Variants in PPP3CC observed in about 807,000 individuals in gnomAD.
PPP3CC encodes protein phosphatase 3 catalytic subunit gamma.
A neutral mutation model predicts 60.3 loss-of-function variants in PPP3CC; 35 were observed. The ratio of observed to expected loss-of-function variants is 0.58; its 90% CI spans 0.44 to 0.77. The LOEUF (loss-of-function observed/expected upper bound fraction) is 0.77. Among genes scored for constraint, PPP3CC ranks in the 30% least tolerant of loss-of-function variants. The pLI is 0.00. For missense variants in PPP3CC, 570 were observed against 628.9 expected, an observed-to-expected ratio of 0.91 and a Z score of 1.00; for synonymous variants, 206 against 224.3, an observed-to-expected ratio of 0.92 and a Z score of 0.73.
At chr8:22,470,891 G>A (rs1379789909) in intron 1 of PPP3CC, among the ~76,000 whole-genome samples, 1 of 152,158 alleles carries the variant, frequency 6.6e-6, no homozygotes, top group Non-Finnish European at 1.5e-5. Context: ...CCATTCTTGG[G>A]TATATACCTA....
At chr8:22,532,885 T>C (rs749527021) in intron 11 of PPP3CC, 36 bp from the exon 12 acceptor site, 1 of 1,435,352 alleles carries the variant, frequency 7.0e-7, no homozygotes, top group Non-Finnish European at 9.5e-7. Flanking sequence ...TGGAGAGTTC[T>C]CGGGCATTAA....
At chr8:22,492,588 C>A (rs923584566) in intron 3 of PPP3CC, 5 of 476,422 alleles carry the variant, frequency 1.0e-5, no homozygotes, top group South Asian at 2.4e-5. Flanking sequence ...CCTAGCCCCC[C>A]ACGTTGGCCC....
chr8:22,538,559 T>G (rs1839894221), intron 12 of PPP3CC, among the ~76,000 whole-genome samples: 1 of 152,248 alleles, frequency 6.6e-6, no homozygotes, highest in South Asian at 2.1e-4. Context: ...CTCATTATTC[T>G]TCACTGCCTT....
At chr8:22,515,843 G>A (rs1243043366) in intron 6 of PPP3CC, among the ~76,000 whole-genome samples, 1 of 152,006 alleles carries the variant, frequency 6.6e-6, no homozygotes, top group Non-Finnish European at 1.5e-5. Flanking sequence ...AATTGTTTGA[G>A]CTCCTTACAT....
In PPP3CC at chr8:22,466,384, T is replaced by C. The variant is rs560531046; in HGVS notation, c.50-8570T>C. Among the ~76,000 whole-genome samples the C allele has an allele frequency of 5.8e-3, 888 of 152,332 alleles. 7 individuals are homozygous for C. The highest frequency in any genetic ancestry group is 0.02 in the African/African-American group (849 of 41,576). On this transcript the variant is annotated intron_variant, in intron 1 of 13. Coordinates refer to ENST00000240139, the MANE Select transcript of PPP3CC (RefSeq NM_005605.5). ...GGATTGCTGGGTCAAATGGTATTTC[T>C]AGTTCTAGATCCTTGAGGAATCACC...
intron 1 of PPP3CC, among the ~76,000 whole-genome samples, chr8:22,442,146 T>C (rs1249744938): frequency 6.6e-6 from 1 of 152,224 alleles, no homozygotes. Flanking sequence ...CTAAATCTTG[T>C]AGAGTTTTAG....
rs777454548 is a variant in PPP3CC, at chr8:22,525,532, TTCTTTCTCTCCCTCTC to T, written c.944-1856_944-1841del. ...TTTCTTTCTTTCTTTCTTTCTTTCT[TTCTTTCTCTCCCTCTC>T]TCTCTCTCTCTTTCTTTCTCTCTCT... On this transcript the variant is annotated intron_variant, in intron 8 of 13. Transcript: ENST00000240139. 1.3e-4 allele frequency among the ~76,000 whole-genome samples: 14 copies of T among 109,182 alleles called. No individual in the cohort carries two copies. In the South Asian group the frequency reaches 3.9e-3, roughly 30 times the overall value. The allele number at this position is 109,182 out of a possible 152,430, so 71.6% of individuals were successfully genotyped here. A position where few individuals can be genotyped will look rare whatever the true frequency, so the allele number is the denominator to read the frequency against.
intron 12 of PPP3CC, among the ~76,000 whole-genome samples, chr8:22,538,991 T>C (rs1839902817): frequency 6.6e-6 from 1 of 152,170 alleles, no homozygotes; most frequent in Non-Finnish European, 1.5e-5. Context: ...TCTTTTTTTT[T>C]TAAATGAAGT....
rs976247366 is a variant in PPP3CC at position 22,492,855 on chromosome 8, G to C, written c.373-5146G>C. ...ATCCACTTTAACAGCAGAGATGCCA[G>C]CAAACTCTTTCACCATTACAGGCCA... is the stretch of plus-strand genomic sequence containing the variant. On this transcript the variant is annotated intron_variant, in intron 3 of 13. Coordinates refer to ENST00000240139, the MANE Select transcript of PPP3CC (RefSeq NM_005605.5). 4.8e-6 allele frequency: 5 copies of C among 1,034,360 alleles called. No homozygotes were observed. The African/African-American group carries it at 7.8e-5, about 16-fold the overall frequency. The allele number at this position is 1,034,360 out of a possible 1,614,324, so 64.1% of individuals were successfully genotyped here.
intron 4 of PPP3CC, among the ~76,000 whole-genome samples, chr8:22,506,446 C>T (rs551104763): frequency 1.3e-5 from 2 of 151,912 alleles, no homozygotes; most frequent in African/African-American, 2.4e-5. Context: ...TTCTTAAGTA[C>T]GAAAAGCAAG....
intron 13 of PPP3CC, among the ~76,000 whole-genome samples, chr8:22,539,886 G>A (rs904055795): frequency 3.9e-4 from 60 of 152,186 alleles, no homozygotes; most frequent in Non-Finnish European, 1.6e-4. Flanking sequence ...CAAGAGCAGA[G>A]GCAGAAGTAG....
intron 1 of PPP3CC, among the ~76,000 whole-genome samples, chr8:22,450,635 A>G (rs1039608811): frequency 6.6e-6 from 1 of 152,124 alleles, no homozygotes; most frequent in African/African-American, 2.4e-5. Context: ...TGATCTGTGA[A>G]CAATATCAAG....
At position 22,528,538 on chromosome 8, in the gene PPP3CC, T is replaced by A; in HGVS notation, c.1102T>A (p.Cys368Ser). Residue 368 changes from cysteine (C) to serine (S), a missense_variant, in exon 10 of 14, where the codon TGC (cysteine) becomes AGC (serine). By Grantham distance (112) the Cys-to-Ser change is moderately radical. Transcript: ENST00000240139. Reference sequence around the variant, plus strand: ...GATGCTGGTAAATGTGCTCAACATATGCTCTGATGACGAACTGATTTCTGA... The same window carrying A: ...GATGCTGGTAAATGTGCTCAACATAAGCTCTGATGACGAACTGATTTCTGA... Reference protein sequence around the residue: ...TEMLVNVLNICSDDELISDDE... With the variant: ...TEMLVNVLNISSDDELISDDE... The A allele has an allele frequency of 6.4e-7, 1 of 1,567,394 alleles. No homozygotes were observed. The highest frequency in any genetic ancestry group is 8.7e-7 in the Non-Finnish European group (1 of 1,152,948).
rs543107314 is a variant in PPP3CC, at chr8:22,498,565, A to T, written c.484+453A>T. On this transcript the variant is annotated intron_variant, in intron 4 of 13. Transcript: ENST00000240139. ...TTATTATGAAATAGTTCAGGTATAC[A>T]TATATCTGTATATATTTTACAAATA... Among the ~76,000 whole-genome samples the T allele has an allele frequency of 7.9e-5, 12 of 152,356 alleles. No homozygotes were observed. In the South Asian group the frequency reaches 2.1e-3, roughly 26 times the overall value.
At chr8:22,472,472 C>A (rs180731583) in intron 1 of PPP3CC, among the ~76,000 whole-genome samples, 3 of 150,856 alleles carry the variant, frequency 2.0e-5, no homozygotes, top group South Asian at 2.1e-4. Flanking sequence ...ACATCTTTAT[C>A]CACTGGCACA....
chr8:22,525,717 C>G (rs1278352780), intron 8 of PPP3CC, among the ~76,000 whole-genome samples: 1 of 151,942 alleles, frequency 6.6e-6, no homozygotes, highest in East Asian at 1.9e-4. Flanking sequence ...GCCGCTACAC[C>G]TGGCTAATTT....
chr8:22,534,576 C>A (rs758138091), intron 12 of PPP3CC, among the ~76,000 whole-genome samples: 2 of 152,178 alleles, frequency 1.3e-5, no homozygotes, highest in Non-Finnish European at 2.9e-5. Context: ...TGTAACCCAG[C>A]AGTTCCACAC....
chr8:22,507,595 C>T (rs1838961329), intron 4 of PPP3CC, among the ~76,000 whole-genome samples: 1 of 152,136 alleles, frequency 6.6e-6, no homozygotes, highest in South Asian at 2.1e-4. Flanking sequence ...TAAATGAAGA[C>T]AGTAATAATA....
intron 3 of PPP3CC, among the ~76,000 whole-genome samples, chr8:22,496,485 C>CTTTTTATTTTTTTTTTTTTT (rs1838586162): frequency 2.3e-5 from 1 of 43,564 alleles, no homozygotes; most frequent in Non-Finnish European, 4.2e-5. Flanking sequence ...GAACTGTAAT[C>CTTTTTATTTTTTTTTTTTTT]TTTTTTTTTT....
Sources: allele counts gnomAD v4.1 joint callset (sites outside exome capture counted in the v4.1 genomes callset), GRCh38; gene constraint gnomAD v4.1.1; transcripts MANE v1.5; gene names NCBI Gene and HGNC (gene_info 2026-07-23, HGNC 2026-07-21).